The following FMN1 variants were observed in gnomAD, a reference collection of about 807,000 sequenced individuals.
FMN1 encodes formin 1.
A neutral mutation model predicts 132.4 loss-of-function variants in FMN1; 110 were observed. That is an observed-to-expected ratio of 0.83 (90% CI 0.71 to 0.97). FMN1 has a LOEUF of 0.97. Among genes scored for constraint, FMN1 ranks in the 50% least tolerant of loss-of-function variants. The probability of loss-of-function intolerance (pLI) is 0.00; values close to 1 mark genes in which losing one functional copy is unlikely to be tolerated. For missense variants in FMN1, 1,792 were observed against 1,705.3 expected, an observed-to-expected ratio of 1.05 and a Z score of -0.90; for synonymous variants, 722 against 651.7, an observed-to-expected ratio of 1.11 and a Z score of -1.64.
intron 4 of FMN1, among the ~76,000 whole-genome samples, chr15:33,113,934 G>A (rs1223474466): frequency 3.3e-5 from 5 of 152,174 alleles, no homozygotes; most frequent in Non-Finnish European, 7.3e-5. Context: ...ACAAGTGTGG[G>A]AAACCAGATC....
At chr15:33,093,366 T>C (rs1297885788) in intron 4 of FMN1, among the ~76,000 whole-genome samples, 1 of 152,210 alleles carries the variant, frequency 6.6e-6, no homozygotes, top group Non-Finnish European at 1.5e-5. Context: ...TTCAAACGTG[T>C]ACTTACCAGC....
intron 7 of FMN1, among the ~76,000 whole-genome samples, chr15:32,978,769 C>G (rs1567497946): frequency 6.6e-6 from 1 of 152,164 alleles, no homozygotes; most frequent in African/African-American, 2.4e-5. Context: ...TAAACGGATA[C>G]TATCCCATGG....
chr15:32,932,378 G>C (rs542039921), intron 9 of FMN1, among the ~76,000 whole-genome samples: 2 of 152,196 alleles, frequency 1.3e-5, no homozygotes, highest in Non-Finnish European at 2.9e-5. Flanking sequence ...TCCAGCCTAG[G>C]AAACAGAGTG....
rs745796475 is a variant in FMN1, at chr15:33,154,632, C to T, written c.283G>A (p.Glu95Lys). 5.2e-5 allele frequency: 80 copies of T among 1,535,988 alleles called. 1 individual carries two copies. In the Middle Eastern group the frequency reaches 1.0e-3, roughly 19 times the overall value. The stretch of plus-strand genomic sequence containing the variant: ...CTCAGGAGATTGGTTAGCAGTCTCT[C>T]CCTCTCTGTTGTGAGTTTGTACAGC... ...TELYKLTTER[E>K]RLLTNLLSSD... The change falls in exon 4 of 21, where the codon GAG becomes AAG. Residue 95 changes from glutamate to lysine, a missense_variant. By Grantham distance (56) the Glu-to-Lys change is moderately conservative. Transcript: ENST00000616417.
chr15:33,111,137 C>T (rs1358048659), intron 4 of FMN1, among the ~76,000 whole-genome samples: 1 of 152,044 alleles, frequency 6.6e-6, no homozygotes, highest in Non-Finnish European at 1.5e-5. Flanking sequence ...TGTGTGTTTT[C>T]CATGGTGCTT....
intron 16 of FMN1, among the ~76,000 whole-genome samples, chr15:32,865,683 A>G (rs896079823): frequency 6.6e-6 from 1 of 152,034 alleles, no homozygotes; most frequent in African/African-American, 2.4e-5. Context: ...CTAAAAATAC[A>G]AAATTAGCCA....
intron 5 of FMN1, among the ~76,000 whole-genome samples, chr15:33,078,445 A>C (rs1294227497): frequency 6.6e-6 from 1 of 152,220 alleles, no homozygotes; most frequent in Non-Finnish European, 1.5e-5. Flanking sequence ...TCAATACTTT[A>C]AAAAGCCTCA....
At chr15:32,779,564 AAG>A (rs970208677) in intron 19 of FMN1, among the ~76,000 whole-genome samples, 9 of 152,302 alleles carry the variant, frequency 5.9e-5, no homozygotes, top group Admixed American at 2.6e-4. Context: ...AGATACCAAA[AAG>A]AATTATAAAC....
chr15:32,783,067 A>G (rs1327332409), intron 19 of FMN1, among the ~76,000 whole-genome samples: 2 of 152,118 alleles, frequency 1.3e-5, no homozygotes, highest in East Asian at 3.9e-4. Context: ...CAGGTGATGG[A>G]TACAGTAGAA....
Position 33,094,169 on chromosome 15 carries a change from A to T in FMN1, c.1868-5195T>A, listed in dbSNP as rs377007880. On this transcript the variant is annotated intron_variant, in intron 4 of 20. Transcript: ENST00000616417. ...GGCTAAATTCCTGGCTGTGACCTTT[A>T]CTAATTATTTGACCTTGGTGAAGTT... is the stretch of plus-strand genomic sequence containing the variant. 3.9e-5 allele frequency among the ~76,000 whole-genome samples: 6 copies of T among 152,290 alleles called. No homozygotes were observed. The East Asian group carries it at 1.2e-3, about 29-fold the overall frequency.
At chr15:32,990,762 C>T (rs140784066) in intron 7 of FMN1, among the ~76,000 whole-genome samples, 64 of 152,270 alleles carry the variant, frequency 4.2e-4, no homozygotes, top group African/African-American at 1.5e-3. Context: ...AGGAAACTTA[C>T]AGTCGTGGTG....
chr15:32,774,521 CCCTA>C lies in FMN1; in HGVS notation c.4216-171_4216-168del, dbSNP rs10540596. On this transcript the variant is annotated intron_variant, in intron 20 of 20. Coordinates refer to ENST00000616417, the MANE Select transcript of FMN1 (RefSeq NM_001277313.2). ...CCTAAGCTCTTAGTTATCTGCCCCT[CCCTA>C]CCTATCACCCTTACTCCCCAGAAAA... Among the ~76,000 whole-genome samples, 7,853 of 152,180 alleles carry C rather than the reference CCCTA, an allele frequency of 0.052. 296 individuals are homozygous for C. The highest frequency in any genetic ancestry group is 0.17 in the East Asian group (897 of 5,148).
chr15:33,186,265 A>G (rs973823991), intron 2 of FMN1, among the ~76,000 whole-genome samples: 1 of 151,966 alleles, frequency 6.6e-6, no homozygotes, highest in Admixed American at 6.6e-5. Flanking sequence ...CCAGAGCTGC[A>G]GTGAGTATAT....
intron 5 of FMN1, among the ~76,000 whole-genome samples, chr15:33,086,255 T>TAAAAAAAA (rs552991552): frequency 1.2e-5 from 1 of 85,250 alleles, no homozygotes. Context: ...CATCTCAAAT[T>TAAAAAAAA]AAAAAAAAAA....
chr15:32,999,430 A>G (rs540130462), intron 7 of FMN1, among the ~76,000 whole-genome samples: 1 of 152,218 alleles, frequency 6.6e-6, no homozygotes. Flanking sequence ...TAAAATGAGG[A>G]AGTCTACAAG....
rs571520869 is a variant in FMN1, at chr15:32,863,951, G to A, written c.3836-6844C>T. Among the ~76,000 whole-genome samples, 16 of 152,292 alleles carry A rather than the reference G, an allele frequency of 1.1e-4. No individual in the cohort carries two copies. In the South Asian group the frequency reaches 1.2e-3, roughly 12 times the overall value. ...AAATGCAATGTAATAAAATACTAAAGTTAGAACAGTAATATTTTATTTTGG... is the reference window on the plus strand; with the variant it reads ...AAATGCAATGTAATAAAATACTAAAATTAGAACAGTAATATTTTATTTTGG... On this transcript the variant is annotated intron_variant, in intron 16 of 20. Transcript: ENST00000616417.
rs190851501 is a variant in FMN1 at position 32,836,551 on chromosome 15, G to A, written c.3928+20464C>T. ...GCCCGCATGCTTTCTCCCCAGAACC[G>A]AGGCCTTCATATTTTTCTCCCTAAG... On this transcript the variant is annotated intron_variant, in intron 17 of 20. Coordinates refer to ENST00000616417, the MANE Select transcript of FMN1 (RefSeq NM_001277313.2). Among the ~76,000 whole-genome samples, 55 of 152,158 alleles carry A rather than the reference G, an allele frequency of 3.6e-4. No individual in the cohort carries two copies. The East Asian group carries it at 4.6e-3, about 13-fold the overall frequency.
intron 9 of FMN1, among the ~76,000 whole-genome samples, chr15:32,956,291 A>G (rs1256285971): frequency 6.6e-6 from 1 of 152,226 alleles, no homozygotes; most frequent in Non-Finnish European, 1.5e-5. Flanking sequence ...GTTGAACTCC[A>G]AGAATAATAC....
At chr15:33,043,181 A>T (rs548633492) in intron 6 of FMN1, among the ~76,000 whole-genome samples, 1 of 152,160 alleles carries the variant, frequency 6.6e-6, no homozygotes, top group African/African-American at 2.4e-5. Flanking sequence ...CATGGTGCCC[A>T]ATCACAGGAT....
Sources: gnomAD v4.1 joint callset for allele counts (sites outside exome capture counted in the v4.1 genomes callset) on GRCh38, gnomAD v4.1.1 for gene constraint, MANE v1.5 for transcripts, NCBI Gene and HGNC (gene_info 2026-07-23, HGNC 2026-07-21) for gene names.